CECR2: variants seen among roughly 807,000 people sequenced by gnomAD.
The protein encoded by CECR2 is CECR2 histone acetyl-lysine reader.
A neutral mutation model predicts 154.5 loss-of-function variants in CECR2; 30 were observed. The ratio of observed to expected loss-of-function variants is 0.19; its 90% confidence interval spans 0.15 to 0.26. The LOEUF (loss-of-function observed/expected upper bound fraction) is 0.26, where lower values mean the gene tolerates loss of function less well. Among genes scored for constraint, CECR2 ranks in the 10% least tolerant of loss-of-function variants. CECR2 has a pLI of 1.00. For synonymous variants in CECR2, 725 were observed against 683.7 expected (o/e 1.06, Z -0.94); for missense variants, 1,743 against 1,829.3 (o/e 0.95, Z 0.86).
intron 1 of CECR2, among the ~76,000 whole-genome samples, chr22:17,382,899 C>G (rs1431562225): frequency 3.3e-5 from 5 of 151,268 alleles, no homozygotes; most frequent in Non-Finnish European, 5.9e-5. Context: ...GACCTTGTCT[C>G]AAAACAAACA....
At chr22:17,405,361 G>A (rs188529988) in intron 1 of CECR2, among the ~76,000 whole-genome samples, 26 of 151,862 alleles carry the variant, frequency 1.7e-4, no homozygotes, top group Non-Finnish European at 2.6e-4. Flanking sequence ...GCAGTGAGCC[G>A]AGATTGCGCC....
rs780786272 is a variant in CECR2, at chr22:17,549,220, G to A, written c.3933G>A (p.Ser1311=). 8.1e-6 allele frequency: 13 copies of A among 1,613,886 alleles called. No homozygotes were observed. The highest frequency in any genetic ancestry group is 2.2e-5 in the South Asian group (2 of 91,092). Residue 1311 remains serine, a synonymous_variant, in exon 17 of 19, where the codon TCG becomes TCA. Coordinates refer to ENST00000262608, the MANE Select transcript of CECR2 (RefSeq NM_001290047.2). ...NHNAATKRQS[S]LSASEYLYGT... ...ACGCAGCTACCAAGCGGCAGAGCTC[G>A]TTGTCAGCCAGCGAGTATCTCTATG...
Position 17,476,955 on chromosome 22 carries a change from C to G in CECR2, c.127-633C>G. On this transcript the variant is annotated intron_variant, in intron 1 of 18. Coordinates refer to ENST00000262608, the MANE Select transcript of CECR2 (RefSeq NM_001290047.2). ...ATACCGTGTCGAGGCAAGCTGAACC[C>G]CAAGGAAAGCAAAGACATTCACAGA... 2 of 531,166 alleles carry G rather than the reference C, an allele frequency of 3.8e-6. 1 individual carries two copies. The highest frequency in any genetic ancestry group is 5.6e-5 in the South Asian group (2 of 35,506). The allele number at this position is 531,166 out of a possible 1,614,324, so 32.9% of individuals were successfully genotyped here. A position where few individuals can be genotyped will look rare whatever the true frequency, so the allele number is the denominator to read the frequency against.
chr22:17,544,869 G>T (rs904420833), intron 16 of CECR2, among the ~76,000 whole-genome samples: 2 of 150,506 alleles, frequency 1.3e-5, no homozygotes, highest in African/African-American at 2.4e-5. Flanking sequence ...TACTTGGGAG[G>T]CTGAGGTGGG....
intron 1 of CECR2, among the ~76,000 whole-genome samples, chr22:17,432,805 T>C (rs2146641277): frequency 1.3e-5 from 2 of 152,274 alleles, no homozygotes; most frequent in Non-Finnish European, 2.9e-5. Flanking sequence ...CTAATTTTTA[T>C]TTTTGTATAG....
intron 17 of CECR2, 125 bp from the exon 18 acceptor site, chr22:17,551,906 A>T: frequency 1.2e-6 from 1 of 850,834 alleles, no homozygotes; most frequent in Non-Finnish European, 1.9e-6. Flanking sequence ...TTGTCCCAGT[A>T]TGGATGATTC....
chr22:17,400,653 G>C (rs1000915847), intron 1 of CECR2, among the ~76,000 whole-genome samples: 6 of 152,196 alleles, frequency 3.9e-5, no homozygotes, highest in African/African-American at 1.2e-4. Context: ...GCAGAGAAGA[G>C]GGAGGTCAGA....
At position 17,389,150 on chromosome 22, in the gene CECR2, G is replaced by A. The variant is rs376122856; in HGVS notation, c.126+19241G>A. On this transcript the variant is annotated intron_variant, in intron 1 of 18. Coordinates refer to ENST00000262608, the MANE Select transcript of CECR2 (RefSeq NM_001290047.2). Reference sequence around the variant, plus strand: ...ATTTTTAAGTAATGTCAGACTTAACGGAAACTTAGAAGGCTGGTACACAGA... The same window carrying A: ...ATTTTTAAGTAATGTCAGACTTAACAGAAACTTAGAAGGCTGGTACACAGA... Among the ~76,000 whole-genome samples, 38 of 152,144 alleles carry A rather than the reference G, an allele frequency of 2.5e-4. 1 individual carries two copies. The East Asian group carries it at 5.0e-3, about 20-fold the overall frequency.
chr22:17,480,919 AG>A (rs923036978), intron 2 of CECR2, among the ~76,000 whole-genome samples: 4 of 151,856 alleles, frequency 2.6e-5, no homozygotes, highest in African/African-American at 9.7e-5. Context: ...GCACGCCTGT[AG>A]TCCCAGCTAC....
chr22:17,396,832 T>C (rs76782662), intron 1 of CECR2, among the ~76,000 whole-genome samples: 1,574 of 150,688 alleles, frequency 0.01, 13 homozygotes, highest in Middle Eastern at 0.036. Context: ...GGACAAGTTA[T>C]GAGGGTAGGT....
chr22:17,374,946 T>C (rs1487585130), intron 1 of CECR2, among the ~76,000 whole-genome samples: 1 of 152,038 alleles, frequency 6.6e-6, no homozygotes, highest in Non-Finnish European at 1.5e-5. Context: ...TCTGCAGGTC[T>C]TATTATCTTT....
rs1185250277 is a variant in CECR2 at position 17,428,440 on chromosome 22, GTAAT to G, written c.127-49146_127-49143del. ...AGTGCACAGTACTTACACAATGGCG[GTAAT>G]TTAATTTTTGGTCATTCATTCTTCA... On this transcript the variant is annotated intron_variant, in intron 1 of 18. Transcript: ENST00000262608. 2.3e-4 allele frequency: 35 copies of G among 152,218 alleles called. 1 individual carries two copies. The East Asian group carries it at 6.4e-3, about 28-fold the overall frequency. The allele number at this position is 152,218 out of a possible 1,614,324, so 9.4% of individuals were successfully genotyped here.
chr22:17,427,436 T>A lies in CECR2; in HGVS notation c.127-50152T>A, dbSNP rs1387492384. On this transcript the variant is annotated intron_variant, in intron 1 of 18. Coordinates refer to ENST00000262608, the MANE Select transcript of CECR2 (RefSeq NM_001290047.2). ...TTCAGAATTGATTCCTTCTGGTGGG[T>A]TCTTGGTCTCGCTGACTTCAAGAAC... Among the ~76,000 whole-genome samples, 3 of 152,242 alleles carry A rather than the reference T, an allele frequency of 2.0e-5. No individual in the cohort carries two copies. In the East Asian group the frequency reaches 5.8e-4, roughly 29 times the overall value.
chr22:17,502,359 G>A (rs2055754494), intron 5 of CECR2, among the ~76,000 whole-genome samples: 1 of 152,166 alleles, frequency 6.6e-6, no homozygotes, highest in African/African-American at 2.4e-5. Flanking sequence ...GAATCAGGGA[G>A]GAGGACATTG....
At chr22:17,366,193 C>G (rs550532208), upstream of CECR2, among the ~76,000 whole-genome samples, 1 of 151,816 alleles carries the variant, frequency 6.6e-6, no homozygotes, top group South Asian at 2.1e-4. Context: ...TGTGTTTTTT[C>G]TTTTTTCTTT....
chr22:17,406,112 C>T (rs1462347961), intron 1 of CECR2, among the ~76,000 whole-genome samples: 1 of 152,232 alleles, frequency 6.6e-6, no homozygotes, highest in Non-Finnish European at 1.5e-5. Context: ...TCTAATTTAA[C>T]CCACTTTAGT....
At chr22:17,443,485 A>G (rs924008217) in intron 1 of CECR2, among the ~76,000 whole-genome samples, 11 of 152,186 alleles carry the variant, frequency 7.2e-5, no homozygotes, top group Non-Finnish European at 1.6e-4. Context: ...GAAAGGCACC[A>G]GCAGGGAGGA....
chr22:17,426,390 T>C (rs1032648201), intron 1 of CECR2, among the ~76,000 whole-genome samples: 3 of 152,170 alleles, frequency 2.0e-5, no homozygotes, highest in African/African-American at 7.2e-5. Flanking sequence ...CGAGTCTCTC[T>C]CTGTCTCCCA....
intron 7 of CECR2, among the ~76,000 whole-genome samples, chr22:17,510,773 T>G (rs550446582): frequency 1.1e-4 from 17 of 152,200 alleles, no homozygotes; most frequent in South Asian, 4.1e-4. Flanking sequence ...GGCTAATTTT[T>G]TGTGTGTGTG....
Sources: gnomAD v4.1 joint callset for allele counts (sites outside exome capture counted in the v4.1 genomes callset) on GRCh38, gnomAD v4.1.1 for gene constraint, MANE v1.5 for transcripts, NCBI Gene and HGNC (gene_info 2026-07-23, HGNC 2026-07-21) for gene names.